The following EYS variants were observed in gnomAD, a reference collection of about 807,000 sequenced individuals.
EYS encodes the protein protein eyes shut homolog.
EYS carries 250 observed loss-of-function variants against 282.1 expected under a neutral mutation model. The ratio of observed to expected loss-of-function variants is 0.89; its 90% CI spans 0.80 to 0.98. The LOEUF is 0.98. EYS is among the 50% of genes least tolerant of loss of function. The pLI, the probability that EYS is intolerant of heterozygous loss-of-function variation, is 0.00. For synonymous variants in EYS, 1,355 were observed against 1,282.9 expected (o/e 1.06, Z -1.20); for missense variants, 4,016 against 3,709.0 (o/e 1.08, Z -2.15).
At chr6:64,689,325 CACAA>C (rs1770281691) in intron 22 of EYS, among the ~76,000 whole-genome samples, 1 of 152,024 alleles carries the variant, frequency 6.6e-6, no homozygotes, top group Non-Finnish European at 1.5e-5. Flanking sequence ...TAAAAGAGGA[CACAA>C]ACAAATGGAA....
intron 35 of EYS, among the ~76,000 whole-genome samples, chr6:63,952,039 A>G (rs1765618326): frequency 6.6e-6 from 1 of 152,212 alleles, no homozygotes; most frequent in Admixed American, 6.5e-5. Context: ...AAGGTGTACA[A>G]TAACAGAGAA....
At chr6:65,382,213 G>GTTTTTT (rs67123749) in intron 8 of EYS, among the ~76,000 whole-genome samples, 1 of 105,014 alleles carries the variant, frequency 9.5e-6, no homozygotes, top group African/African-American at 3.7e-5. Flanking sequence ...ATCCTTTGGT[G>GTTTTTT]TTTTTTTTTT....
At chr6:65,447,336 A>ATATATATATATAAATATATGTATATAAT (rs1562189663) in intron 5 of EYS, among the ~76,000 whole-genome samples, 36 of 137,010 alleles carry the variant, frequency 2.6e-4, no homozygotes, top group African/African-American at 7.9e-4. Context: ...GTGTGTGTAT[A>ATATATATATATAAATATATGTATATAAT]TATATATATA....
chr6:64,316,906 A>ATG (rs1769991241), intron 29 of EYS, among the ~76,000 whole-genome samples: 2 of 151,920 alleles, frequency 1.3e-5, no homozygotes, highest in African/African-American at 4.8e-5. Context: ...CAGAAATACC[A>ATG]CCACACATCT....
intron 24 of EYS, among the ~76,000 whole-genome samples, chr6:64,597,160 AT>A (rs1766611171): frequency 6.6e-6 from 1 of 152,218 alleles, no homozygotes. Flanking sequence ...TAAAACTGCA[AT>A]GAGATATTAT....
At chr6:64,954,583 G>A (rs1769626741) in intron 14 of EYS, among the ~76,000 whole-genome samples, 1 of 152,118 alleles carries the variant, frequency 6.6e-6, no homozygotes, top group African/African-American at 2.4e-5. Context: ...GTTTTGGTCT[G>A]AGAGCCAAAT....
At chr6:64,571,553 A>G (rs1421473600) in intron 26 of EYS, among the ~76,000 whole-genome samples, 1 of 152,204 alleles carries the variant, frequency 6.6e-6, no homozygotes, top group East Asian at 1.9e-4. Flanking sequence ...AGAAGAAAAA[A>G]CAGAAGAATC....
At chr6:65,158,481 T>G (rs891209388) in intron 12 of EYS, among the ~76,000 whole-genome samples, 3 of 150,974 alleles carry the variant, frequency 2.0e-5, no homozygotes, top group African/African-American at 7.3e-5. Context: ...CATAGTCATA[T>G]TCTTAGATGC....
chr6:65,028,501 T>C (rs1157056053), intron 13 of EYS, among the ~76,000 whole-genome samples: 3 of 152,014 alleles, frequency 2.0e-5, no homozygotes, highest in Admixed American at 1.3e-4. Context: ...TTAATAATAA[T>C]GTATACATAA....
At chr6:65,477,740 T>A (rs950694710) in intron 5 of EYS, among the ~76,000 whole-genome samples, 1 of 152,160 alleles carries the variant, frequency 6.6e-6, no homozygotes, top group African/African-American at 2.4e-5. Context: ...AGGTATCATA[T>A]TTTCCATATG....
intron 1 of EYS, among the ~76,000 whole-genome samples, chr6:65,653,658 G>T (rs1767727798): frequency 6.6e-6 from 1 of 151,912 alleles, no homozygotes; most frequent in Admixed American, 6.6e-5. Flanking sequence ...GCACTGGTTT[G>T]TCATCTCTCC....
intron 14 of EYS, among the ~76,000 whole-genome samples, chr6:64,966,640 C>T (rs1320281568): frequency 6.6e-6 from 1 of 152,022 alleles, no homozygotes; most frequent in Admixed American, 6.6e-5. Context: ...TGGTTTATGC[C>T]CACCTTTTCC....
chr6:63,997,205 G>A (rs1767874532), intron 34 of EYS, among the ~76,000 whole-genome samples: 1 of 152,122 alleles, frequency 6.6e-6, no homozygotes, highest in South Asian at 2.1e-4. Flanking sequence ...TAATAATAGA[G>A]GAAAAGGCAG....
At chr6:64,247,070 T>C (rs1454223522) in intron 30 of EYS, among the ~76,000 whole-genome samples, 1 of 152,090 alleles carries the variant, frequency 6.6e-6, no homozygotes, top group African/African-American at 2.4e-5. Flanking sequence ...GAAACATTTA[T>C]TATATTAATT....
chr6:65,318,625 ATATATAATTTATATATATAAT>A (rs2150303786), intron 11 of EYS, among the ~76,000 whole-genome samples: 1 of 147,702 alleles, frequency 6.8e-6, no homozygotes, highest in East Asian at 1.9e-4. Flanking sequence ...TATATAAAAT[ATATATAATTTATATATATAAT>A]ATATGTATTT....
At chr6:64,647,208 T>C (rs1768385079) in intron 22 of EYS, among the ~76,000 whole-genome samples, 1 of 152,170 alleles carries the variant, frequency 6.6e-6, no homozygotes, top group African/African-American at 2.4e-5. Context: ...TATTTTTATG[T>C]ACCAAATTTT....
intron 29 of EYS, among the ~76,000 whole-genome samples, chr6:64,320,531 T>C (rs1475018489): frequency 6.6e-6 from 1 of 151,910 alleles, no homozygotes; most frequent in Admixed American, 6.6e-5. Flanking sequence ...CTTTATTAGT[T>C]GACTTTTTGT....
At chr6:64,121,878 T>C (rs1213755707) in intron 31 of EYS, among the ~76,000 whole-genome samples, 1 of 152,194 alleles carries the variant, frequency 6.6e-6, no homozygotes, top group Non-Finnish European at 1.5e-5. Flanking sequence ...GGAGCTCATC[T>C]ATAGACAGGG....
intron 39 of EYS, 59 bp from the exon 40 acceptor site, chr6:63,778,239 AG>A: frequency 6.7e-7 from 1 of 1,482,242 alleles, no homozygotes; most frequent in Non-Finnish European, 9.2e-7. Flanking sequence ...AAAAACAAGA[AG>A]AAGGTTATTT....
Sources: gnomAD v4.1 joint callset for allele counts (sites outside exome capture counted in the v4.1 genomes callset) on GRCh38, gnomAD v4.1.1 for gene constraint, MANE v1.5 for transcripts, NCBI Gene and HGNC (gene_info 2026-07-23, HGNC 2026-07-21) for gene names.